The following MSRA variants were observed in gnomAD, a reference collection of about 807,000 sequenced individuals.
MSRA encodes the protein mitochondrial peptide methionine sulfoxide reductase.
A neutral mutation model predicts 31.3 loss-of-function variants in MSRA; 54 were observed. The ratio of observed to expected loss-of-function variants is 1.73; its 90% confidence interval spans 1.39 to 2.17. The LOEUF is 2.17. Among genes scored for constraint, MSRA ranks in the 30% most tolerant of loss-of-function variants. MSRA has a pLI of 0.00. For synonymous variants in MSRA, 169 were observed against 116.5 expected (o/e 1.45, Z -2.90); for missense variants, 507 against 300.9 (o/e 1.69, Z -5.07).
At chr8:10,262,627 G>C (rs994558416) in intron 3 of MSRA, among the ~76,000 whole-genome samples, 10 of 152,102 alleles carry the variant, frequency 6.6e-5, no homozygotes, top group African/African-American at 9.7e-5. Flanking sequence ...TATGTGACTT[G>C]AGAATGTGTC....
At chr8:10,416,424 C>T (rs1483589424) in intron 5 of MSRA, among the ~76,000 whole-genome samples, 3 of 152,230 alleles carry the variant, frequency 2.0e-5, no homozygotes, top group Non-Finnish European at 2.9e-5. Flanking sequence ...ACGATTCCAT[C>T]GGGCCGTGGT....
At chr8:10,242,840 T>C (rs1235761341) in intron 2 of MSRA, among the ~76,000 whole-genome samples, 1 of 152,168 alleles carries the variant, frequency 6.6e-6, no homozygotes. Flanking sequence ...TAACAACCTG[T>C]GTCCTAAGTC....
chr8:10,182,196 C>A (rs1045583220), intron 1 of MSRA, among the ~76,000 whole-genome samples: 2 of 152,142 alleles, frequency 1.3e-5, no homozygotes, highest in Non-Finnish European at 2.9e-5. Flanking sequence ...TTTCCTGATT[C>A]CTGACCCCAA....
In MSRA at chr8:10,207,834, C is replaced by T; in HGVS notation, c.144C>T (p.Ala48=). Residue 48 remains alanine (A), a splice_region_variant and synonymous_variant, in exon 2 of 6, where the codon GCC becomes GCT. Transcript: ENST00000317173. The stretch of plus-strand genomic sequence containing the variant: ...GCATTTCTTTTTTTTTTTTTCTAGC[C>T]AAACATCATGTCAATGGCAACAGAA... ...PGRKEQTPVA[A]KHHVNGNRTV... 1 of 1,604,068 alleles carries T rather than the reference C, an allele frequency of 6.2e-7. No individual in the cohort carries two copies. Among genetic ancestry groups the T allele is most frequent in the Non-Finnish European group, 8.5e-7 (1 of 1,176,182 alleles).
At chr8:10,109,309 A>G (rs543553584) in intron 1 of MSRA, among the ~76,000 whole-genome samples, 2 of 151,982 alleles carry the variant, frequency 1.3e-5, no homozygotes. Context: ...TAAAGAGCAC[A>G]AATGCTTTCT....
chr8:10,136,131 G>A (rs1286943437), intron 1 of MSRA, among the ~76,000 whole-genome samples: 1 of 152,188 alleles, frequency 6.6e-6, no homozygotes, highest in Non-Finnish European at 1.5e-5. Context: ...CACATGGGCT[G>A]TAACTTAGAA....
At chr8:10,201,033 T>C (rs1005651889) in intron 1 of MSRA, among the ~76,000 whole-genome samples, 6 of 152,102 alleles carry the variant, frequency 3.9e-5, no homozygotes, top group Non-Finnish European at 8.8e-5. Flanking sequence ...GACTGACTTG[T>C]ACCCTGAACC....
chr8:10,370,413 G>A (rs1805410557), intron 5 of MSRA, among the ~76,000 whole-genome samples: 1 of 152,218 alleles, frequency 6.6e-6, no homozygotes, highest in Admixed American at 6.5e-5. Flanking sequence ...TGAAGAAATA[G>A]CAAGTTAGGC....
At chr8:10,425,723 A>G (rs34629088) in intron 5 of MSRA, among the ~76,000 whole-genome samples, 1 of 152,138 alleles carries the variant, frequency 6.6e-6, no homozygotes, top group East Asian at 1.9e-4. Flanking sequence ...CGGAGTGGGT[A>G]GGTCCTCTGA....
chr8:10,213,765 G>C (rs531134208), intron 2 of MSRA, among the ~76,000 whole-genome samples: 3 of 152,066 alleles, frequency 2.0e-5, no homozygotes, highest in Non-Finnish European at 4.4e-5. Flanking sequence ...CTTGGTTGTT[G>C]TGAATAACTG....
At chr8:10,074,101 T>A (rs1797876173) in intron 1 of MSRA, among the ~76,000 whole-genome samples, 1 of 119,120 alleles carries the variant, frequency 8.4e-6, no homozygotes, top group Non-Finnish European at 1.7e-5. Context: ...TTTTTTTTAT[T>A]AAATGGAGTC....
intron 1 of MSRA, among the ~76,000 whole-genome samples, chr8:10,151,282 A>G (rs1039391556): frequency 6.6e-6 from 1 of 151,108 alleles, no homozygotes; most frequent in African/African-American, 2.4e-5. Flanking sequence ...AAAAAAAAAA[A>G]AAAAAATAAG....
chr8:10,141,053 C>T (rs528433823), intron 1 of MSRA, among the ~76,000 whole-genome samples: 3 of 152,292 alleles, frequency 2.0e-5, no homozygotes, highest in South Asian at 4.1e-4. Context: ...TGGGCAGATG[C>T]AGTGAGTTGT....
intron 1 of MSRA, among the ~76,000 whole-genome samples, chr8:10,062,889 T>C (rs1797279910): frequency 6.6e-6 from 1 of 152,180 alleles, no homozygotes; most frequent in Non-Finnish European, 1.5e-5. Context: ...CAGGTAGCAA[T>C]TCCACCATTT....
At chr8:10,159,641 A>G (rs1585058607) in intron 1 of MSRA, among the ~76,000 whole-genome samples, 1 of 142,554 alleles carries the variant, frequency 7.0e-6, no homozygotes, top group East Asian at 2.4e-4. Context: ...AAGGCTTTCT[A>G]GTAAAGTAAA....
intron 5 of MSRA, among the ~76,000 whole-genome samples, chr8:10,339,519 TTTTC>T (rs1273718010): frequency 2.1e-5 from 3 of 144,224 alleles, no homozygotes; most frequent in Non-Finnish European, 4.5e-5. Context: ...AAGCAAGGGG[TTTTC>T]TTTCTTTCTT....
At chr8:10,130,306 AG>A (rs1352786711) in intron 1 of MSRA, among the ~76,000 whole-genome samples, 1 of 152,230 alleles carries the variant, frequency 6.6e-6, no homozygotes, top group East Asian at 1.9e-4. Context: ...ACAACTTTTC[AG>A]GGGAAGTTAT....
intron 3 of MSRA, among the ~76,000 whole-genome samples, chr8:10,259,345 A>G (rs559820406): frequency 6.6e-6 from 1 of 152,278 alleles, no homozygotes; most frequent in South Asian, 2.1e-4. Context: ...AGTGTTCTGT[A>G]AATATCGAGC....
At chr8:10,144,301 C>A (rs535459956) in intron 1 of MSRA, among the ~76,000 whole-genome samples, 1 of 152,150 alleles carries the variant, frequency 6.6e-6, no homozygotes. Context: ...GCCAGTCTGC[C>A]TGGGTTCAGT....
Sources: gnomAD v4.1 joint callset for allele counts (sites outside exome capture counted in the v4.1 genomes callset) on GRCh38, gnomAD v4.1.1 for gene constraint, MANE v1.5 for transcripts, NCBI Gene and HGNC (gene_info 2026-07-23, HGNC 2026-07-21) for gene names.